The following SAMD8 variants were observed in gnomAD, a reference collection of about 807,000 sequenced individuals.
SAMD8 encodes sphingomyelin synthase-related protein 1.
SAMD8 carries 20 observed loss-of-function variants against 42.0 expected under a neutral mutation model. The observed-to-expected ratio is 0.48, with a 90% CI of 0.34 to 0.69. The LOEUF (loss-of-function observed/expected upper bound fraction) is 0.69, where lower values mean the gene tolerates loss of function less well. Among genes scored for constraint, SAMD8 ranks in the 30% least tolerant of loss-of-function variants. The pLI, the probability that SAMD8 is intolerant of heterozygous loss-of-function variation, is 0.01. For missense variants in SAMD8, 328 were observed against 511.6 expected, an observed-to-expected ratio of 0.64 and a Z score of 3.46; for synonymous variants, 162 against 173.0, an observed-to-expected ratio of 0.94 and a Z score of 0.50.
intron 1 of SAMD8, among the ~76,000 whole-genome samples, chr10:75,102,797 A>G (rs970903867): frequency 6.6e-6 from 1 of 152,212 alleles, no homozygotes; most frequent in African/African-American, 2.4e-5. Context: ...TACTAAAAAT[A>G]CAAAATTAGC....
intron 4 of SAMD8, among the ~76,000 whole-genome samples, chr10:75,169,692 T>A (rs1337732010): frequency 6.6e-6 from 1 of 152,114 alleles, no homozygotes. Context: ...GGCGGGTGGA[T>A]CACCTGAGGT....
In SAMD8 at chr10:75,150,802, A is replaced by T. The variant is rs754210206; in HGVS notation, c.274A>T (p.Ser92Cys). Residue 92 changes from serine to cysteine, a missense_variant, in exon 2 of 6, where the codon AGT becomes TGT. By Grantham distance (112) the Ser-to-Cys change is moderately radical. This residue lies in a region of SAMD8 where 150 missense variants were observed against 186.0 expected (regional missense o/e 0.81). Transcript: ENST00000542569. The part of the protein sequence containing the change: ...VLEEMGYNSD[S>C]PMGSMTPFIS... The stretch of plus-strand genomic sequence containing the variant: ...AGAAGAGATGGGCTACAACAGTGAC[A>T]GTCCCATGGGTTCCATGACCCCTTT... 48 of 1,614,110 alleles carry T rather than the reference A, an allele frequency of 3.0e-5. No individual in the cohort carries two copies. The highest frequency in any genetic ancestry group is 2.5e-6 in the Non-Finnish European group (3 of 1,180,044).
chr10:75,107,328 C>T (rs1313105960), upstream of SAMD8, among the ~76,000 whole-genome samples: 2 of 149,130 alleles, frequency 1.3e-5, no homozygotes, highest in Non-Finnish European at 3.0e-5. Context: ...GCTTGGGTAG[C>T]ACTGAGACTC....
chr10:75,147,881 G>A (rs1327467518), intron 1 of SAMD8, among the ~76,000 whole-genome samples: 1 of 152,158 alleles, frequency 6.6e-6, no homozygotes, highest in African/African-American at 2.4e-5. Flanking sequence ...AAATGTATAA[G>A]TTCCATGTGT....
intron 1 of SAMD8, among the ~76,000 whole-genome samples, chr10:75,103,729 G>C (rs1394583827): frequency 2.0e-5 from 3 of 152,198 alleles, no homozygotes; most frequent in Non-Finnish European, 4.4e-5. Context: ...CCCTCCTGGG[G>C]CTCTCTGAGC....
chr10:75,104,157 A>C, intron 1 of SAMD8: 1 of 1,221,874 alleles, frequency 8.2e-7, no homozygotes, highest in Non-Finnish European at 1.1e-6. Context: ...GCTGGCTGGG[A>C]CTTGTTGGGG....
chr10:75,134,468 C>G (rs1849341796), intron 1 of SAMD8, among the ~76,000 whole-genome samples: 1 of 152,160 alleles, frequency 6.6e-6, no homozygotes, highest in South Asian at 2.1e-4. Flanking sequence ...AACCCCATCT[C>G]TACTAAAAAT....
intron 1 of SAMD8, among the ~76,000 whole-genome samples, chr10:75,146,118 C>G (rs1353035892): frequency 6.6e-6 from 1 of 152,030 alleles, no homozygotes; most frequent in Non-Finnish European, 1.5e-5. Context: ...TCAGCTCCAT[C>G]TCTTCAACTC....
At chr10:75,118,407 G>T (rs1220231166) in intron 1 of SAMD8, among the ~76,000 whole-genome samples, 1 of 152,228 alleles carries the variant, frequency 6.6e-6, no homozygotes, top group Admixed American at 6.5e-5. Flanking sequence ...CACTTTGGGA[G>T]GGTGAGGCAG....
At chr10:75,136,224 T>A (rs192978892) in intron 1 of SAMD8, among the ~76,000 whole-genome samples, 23 of 152,338 alleles carry the variant, frequency 1.5e-4, no homozygotes, top group Non-Finnish European at 2.5e-4. Flanking sequence ...GCTTTTGTTT[T>A]GTGTAAGTTA....
At chr10:75,111,762 G>A in intron 1 of SAMD8, 40 bp downstream of exon 1, 1 of 1,233,026 alleles carries the variant, frequency 8.1e-7, no homozygotes. Flanking sequence ...GAGCTTGGGG[G>A]GCGCCTGCTG....
intron 1 of SAMD8, among the ~76,000 whole-genome samples, chr10:75,115,088 CAG>C (rs1237574713): frequency 1.3e-5 from 2 of 152,180 alleles, no homozygotes; most frequent in Non-Finnish European, 1.5e-5. Flanking sequence ...GCAGAGATGA[CAG>C]GGGAGAGCCT....
Position 75,135,178 on chromosome 10 carries a change from C to T in SAMD8, c.-15-15336C>T, listed in dbSNP as rs1479022366. ...TATTAACATATTACACTGGGCCAGA[C>T]GCGATGGCTTATGCCTGTAATCCCA... On this transcript the variant is annotated intron_variant, in intron 1 of 5. Transcript: ENST00000542569. Among the ~76,000 whole-genome samples, 8 of 151,758 alleles carry T rather than the reference C, an allele frequency of 5.3e-5. No homozygotes were observed. In the East Asian group the frequency reaches 1.4e-3, roughly 26 times the overall value.
At chr10:75,120,358 G>A (rs571476647) in intron 1 of SAMD8, among the ~76,000 whole-genome samples, 35 of 152,060 alleles carry the variant, frequency 2.3e-4, no homozygotes, top group Non-Finnish European at 4.4e-4. Context: ...CGCAAGCTCC[G>A]CCTCCCAGGT....
chr10:75,147,958 T>C (rs982103710), intron 1 of SAMD8, among the ~76,000 whole-genome samples: 1 of 152,188 alleles, frequency 6.6e-6, no homozygotes, highest in African/African-American at 2.4e-5. Context: ...TAAAAAGAGT[T>C]AAGAGTTTTT....
intron 1 of SAMD8, among the ~76,000 whole-genome samples, chr10:75,146,780 T>G (rs1189926498): frequency 6.6e-6 from 1 of 152,228 alleles, no homozygotes; most frequent in Non-Finnish European, 1.5e-5. Context: ...AATTTGTATT[T>G]ATCATTCAAA....
Position 75,180,595 on chromosome 10 carries a change from A to G in SAMD8, c.*3903A>G, listed in dbSNP as rs369973651. On this transcript the variant is annotated 3_prime_UTR_variant, in exon 6 of 6. Coordinates refer to ENST00000542569, the MANE Select transcript of SAMD8 (RefSeq NM_001174156.2). ...AAAAAACAAAACAAAATAAAATAATAATGTGGGCTATTCAGAAGAAAAAGT... is the reference window on the plus strand; with the variant it reads ...AAAAAACAAAACAAAATAAAATAATGATGTGGGCTATTCAGAAGAAAAAGT... 2 of 152,208 alleles carry G rather than the reference A, an allele frequency of 1.3e-5. No individual in the cohort carries two copies. Among genetic ancestry groups the G allele is most frequent in the East Asian group, 3.8e-4 (2 of 5,196 alleles). 9.4% of individuals were successfully genotyped at this position (152,208 alleles called of 1,614,324 possible).
chr10:75,116,688 T>G (rs1848888560), intron 1 of SAMD8, among the ~76,000 whole-genome samples: 1 of 152,214 alleles, frequency 6.6e-6, no homozygotes, highest in African/African-American at 2.4e-5. Flanking sequence ...AGCCAGAGAT[T>G]TCCAAAACCA....
chr10:75,106,193 T>C (rs1848498603), intron 1 of SAMD8, among the ~76,000 whole-genome samples: 1 of 151,310 alleles, frequency 6.6e-6, no homozygotes, highest in Non-Finnish European at 1.5e-5. Context: ...TCTCCCACCT[T>C]GGCCTCCCAA....
Sources: gnomAD v4.1 joint callset for allele counts (sites outside exome capture counted in the v4.1 genomes callset) on GRCh38, gnomAD v4.1.1 for gene constraint, gnomAD v4.1.1 regional missense constraint, MANE v1.5 for transcripts, NCBI Gene and HGNC (gene_info 2026-07-23, HGNC 2026-07-21) for gene names.